DUXA: variants seen among roughly 807,000 people sequenced by gnomAD.
The protein encoded by DUXA is double homeobox A.
DUXA carries 25 observed loss-of-function variants against 27.5 expected under a neutral mutation model. The ratio of observed to expected loss-of-function variants is 0.91; its 90% CI spans 0.66 to 1.27. The LOEUF (loss-of-function observed/expected upper bound fraction) is 1.27, where lower values mean the gene tolerates loss of function less well. DUXA is among the 50% of genes most tolerant of loss of function. DUXA has a pLI of 0.00. For missense variants in DUXA, 247 were observed against 242.9 expected, an observed-to-expected ratio of 1.02 and a Z score of -0.11; for synonymous variants, 90 against 80.5, an observed-to-expected ratio of 1.12 and a Z score of -0.63.
intron 4 of DUXA, among the ~76,000 whole-genome samples, chr19:57,156,913 G>A (rs1237912766): frequency 3.9e-5 from 6 of 152,028 alleles, no homozygotes; most frequent in African/African-American, 1.4e-4. Context: ...TGATCCACCC[G>A]CCTTGGCCTC....
chr19:57,165,893 T>C (rs911177294), intron 1 of DUXA, among the ~76,000 whole-genome samples: 1 of 150,586 alleles, frequency 6.6e-6, no homozygotes, highest in Non-Finnish European at 1.5e-5. Context: ...CTGAAAGATA[T>C]CAAGCAAACA....
intron 1 of DUXA, among the ~76,000 whole-genome samples, chr19:57,162,079 T>C (rs1029599340): frequency 6.6e-6 from 1 of 151,782 alleles, no homozygotes; most frequent in African/African-American, 2.4e-5. Flanking sequence ...TTTGATAGAG[T>C]TTCGCCACGT....
chr19:57,158,374 CT>C lies in DUXA; in HGVS notation c.391del (p.Arg131GlufsTer38), dbSNP rs777463661. The C allele has an allele frequency of 6.2e-7, 1 of 1,612,770 alleles. No individual in the cohort carries two copies. Among genetic ancestry groups the C allele is most frequent in the Non-Finnish European group, 8.5e-7 (1 of 1,179,986 alleles). ...MKNPYPGIDS[R>X]EELAKEIGVP... is the part of the protein sequence containing the mutation. ...ACCGATTTCTTTAGCAAGTTCTTCTCTGGAATCAATCCCAGGATATGGGTTT... is the reference window on the plus strand; with the variant it reads ...ACCGATTTCTTTAGCAAGTTCTTCTCGGAATCAATCCCAGGATATGGGTTT... On this transcript the variant is annotated frameshift_variant, in exon 4 of 6. Coordinates refer to ENST00000554048, the MANE Select transcript of DUXA (RefSeq NM_001012729.2). LOFTEE classifies it high-confidence loss of function.
intron 1 of DUXA, among the ~76,000 whole-genome samples, chr19:57,161,040 T>C (rs1233964560): frequency 6.6e-6 from 1 of 151,788 alleles, no homozygotes; most frequent in Non-Finnish European, 1.5e-5. Flanking sequence ...TAAAAACCAT[T>C]GTGAGCCGGG....
At chr19:57,155,655 A>AGATAGATAGATAGATAGATAGAT (rs2086989753) in intron 4 of DUXA, among the ~76,000 whole-genome samples, 2 of 149,018 alleles carry the variant, frequency 1.3e-5, no homozygotes, top group African/African-American at 4.9e-5. Context: ...CAAGATAGAT[A>AGATAGATAGATAGATAGATAGAT]GATAGATAGA....
chr19:57,157,515 G>A (rs2086998491), intron 4 of DUXA, among the ~76,000 whole-genome samples: 1 of 151,818 alleles, frequency 6.6e-6, no homozygotes, highest in Non-Finnish European at 1.5e-5. Flanking sequence ...TATTTTTGTA[G>A]AGATGGGGTT....
intron 1 of DUXA, among the ~76,000 whole-genome samples, chr19:57,161,777 G>A (rs905349298): frequency 1.3e-5 from 2 of 152,162 alleles, no homozygotes; most frequent in African/African-American, 4.8e-5. Context: ...TGTCATTGTA[G>A]TGATGAAACC....
At chr19:57,164,207 A>G (rs56227739) in intron 1 of DUXA, among the ~76,000 whole-genome samples, 16,007 of 152,276 alleles carry the variant, frequency 0.11, 978 homozygotes, top group East Asian at 0.16. Flanking sequence ...TCATGACCAC[A>G]TGGGATTTAT....
chr19:57,166,180 AAAG>A, intron 1 of DUXA, among the ~76,000 whole-genome samples: 1 of 152,300 alleles, frequency 6.6e-6, no homozygotes, highest in South Asian at 2.1e-4. Flanking sequence ...ATCTGAAAAA[AAAG>A]AATAAAAGGG....
intron 1 of DUXA, among the ~76,000 whole-genome samples, chr19:57,166,465 A>G (rs536022080): frequency 2.0e-5 from 3 of 152,096 alleles, no homozygotes; most frequent in African/African-American, 7.2e-5. Flanking sequence ...GCCCACCACC[A>G]CGCCTGGTTA....
intron 1 of DUXA, among the ~76,000 whole-genome samples, chr19:57,165,649 CA>C (rs1238150923): frequency 6.6e-6 from 1 of 151,354 alleles, no homozygotes; most frequent in Non-Finnish European, 1.5e-5. Flanking sequence ...ACTAAAAATG[CA>C]AAAAATTAGC....
At chr19:57,166,183 G>C (rs2087053644) in intron 1 of DUXA, among the ~76,000 whole-genome samples, 1 of 152,142 alleles carries the variant, frequency 6.6e-6, no homozygotes, top group Admixed American at 6.5e-5. Context: ...TGAAAAAAAA[G>C]AATAAAAGGG....
chr19:57,158,890 G>A (rs945990988), intron 3 of DUXA, among the ~76,000 whole-genome samples: 15 of 152,018 alleles, frequency 9.9e-5, no homozygotes, highest in East Asian at 3.9e-4. Flanking sequence ...AGGCTGAGGC[G>A]GAAGAATTGC....
intron 1 of DUXA, among the ~76,000 whole-genome samples, chr19:57,163,492 A>G (rs551770030): frequency 5.7e-4 from 86 of 151,084 alleles, no homozygotes; most frequent in African/African-American, 2.0e-3. Context: ...TCCCCAGGCT[A>G]GAGTTCAGTG....
intron 1 of DUXA, among the ~76,000 whole-genome samples, chr19:57,162,039 C>A (rs947933736): frequency 6.6e-6 from 1 of 152,000 alleles, no homozygotes; most frequent in African/African-American, 2.4e-5. Flanking sequence ...TACAGGTGCA[C>A]ACCCCCACAC....
chr19:57,166,468 C>T lies in DUXA; in HGVS notation c.25+951G>A, dbSNP rs146611424. Among the ~76,000 whole-genome samples, 440 of 152,252 alleles carry T rather than the reference C, an allele frequency of 2.9e-3. 1 individual carries two copies. The highest frequency in any genetic ancestry group is 9.9e-3 in the African/African-American group (413 of 41,532). On this transcript the variant is annotated intron_variant, in intron 1 of 5. Transcript: ENST00000554048. The stretch of plus-strand genomic sequence containing the variant: ...GGGACTACAGGCGCCCACCACCACG[C>T]CTGGTTAATTTTTGTATTTTTAGTA...
intron 4 of DUXA, among the ~76,000 whole-genome samples, chr19:57,156,053 C>G (rs1054898103): frequency 5.3e-5 from 8 of 152,252 alleles, no homozygotes; most frequent in African/African-American, 1.9e-4. Context: ...ACACCCAGTC[C>G]CTTTGTGATA....
At chr19:57,160,611 T>A (rs1250005010) in intron 2 of DUXA, 32 bp downstream of exon 2, 30 of 1,607,468 alleles carry the variant, frequency 1.9e-5, no homozygotes, top group Non-Finnish European at 2.4e-5. Context: ...CCTTTTTACT[T>A]CCAGTCCTGG....
Position 57,154,302 on chromosome 19 carries a change from C to T in DUXA, c.*110G>A, listed in dbSNP as rs2086979493. 9.6e-7 allele frequency: 1 copy of T among 1,040,694 alleles called. No individual in the cohort carries two copies. Among genetic ancestry groups the T allele is most frequent in the Admixed American group, 2.0e-5 (1 of 48,882 alleles). 64.5% of individuals were successfully genotyped at this position (1,040,694 alleles called of 1,614,324 possible). The stretch of plus-strand genomic sequence containing the variant: ...CACATCTGGCCAAGTCCTTTACCAT[C>T]TTCAGAAGGCTTAGCTTGCAGTTTC... On this transcript the variant is annotated 3_prime_UTR_variant, in exon 6 of 6. Coordinates refer to ENST00000554048, the MANE Select transcript of DUXA (RefSeq NM_001012729.2).
Sources: allele counts gnomAD v4.1 joint callset (sites outside exome capture counted in the v4.1 genomes callset), GRCh38; gene constraint gnomAD v4.1.1; transcripts MANE v1.5; gene names NCBI Gene and HGNC (gene_info 2026-07-23, HGNC 2026-07-21).